Variants in ASAP2 observed in about 807,000 individuals in gnomAD.
ASAP2 encodes arf-GAP with SH3 domain, ANK repeat and PH domain-containing protein 2.
A neutral mutation model predicts 131.4 loss-of-function variants in ASAP2; 45 were observed. The observed-to-expected ratio is 0.34, with a 90% CI of 0.27 to 0.44. The LOEUF (loss-of-function observed/expected upper bound fraction) is 0.44, where lower values mean the gene tolerates loss of function less well. ASAP2 is among the 20% of genes least tolerant of loss of function. ASAP2 has a pLI of 1.00. For missense variants in ASAP2, 1,011 were observed against 1,297.0 expected (o/e 0.78, Z 3.39); for synonymous variants, 510 against 503.0 (o/e 1.01, Z -0.19).
At chr2:9,272,830 T>C (rs1666493402) in intron 1 of ASAP2, among the ~76,000 whole-genome samples, 1 of 152,210 alleles carries the variant, frequency 6.6e-6, no homozygotes, top group Non-Finnish European at 1.5e-5. Flanking sequence ...CAGTGTATGT[T>C]CTTGGCACAT....
In ASAP2 at chr2:9,300,108, C is replaced by T. The variant is rs13425491; in HGVS notation, c.345+2663C>T. Among the ~76,000 whole-genome samples, 838 of 152,316 alleles carry T rather than the reference C, an allele frequency of 5.5e-3. 8 individuals carry two copies. The highest frequency in any genetic ancestry group is 0.015 in the African/African-American group (618 of 41,564). ...CTTAGCCAGGCGTGGTGGCTCACGG[C>T]TGTAGTCCCTGCTACTCGGGAGGCT... On this transcript the variant is annotated intron_variant, in intron 3 of 27. Coordinates refer to ENST00000281419, the MANE Select transcript of ASAP2 (RefSeq NM_003887.3).
chr2:9,280,042 G>A (rs985935521), intron 2 of ASAP2, among the ~76,000 whole-genome samples: 3 of 152,174 alleles, frequency 2.0e-5, no homozygotes, highest in Admixed American at 1.3e-4. Flanking sequence ...ACAAAAAGGT[G>A]GCATCCTTGC....
intron 24 of ASAP2, among the ~76,000 whole-genome samples, chr2:9,398,305 T>A (rs1676347443): frequency 6.8e-6 from 1 of 147,448 alleles, no homozygotes; most frequent in Admixed American, 6.8e-5. Flanking sequence ...AGACTAGGAG[T>A]TCGAGACCAG....
intron 1 of ASAP2, among the ~76,000 whole-genome samples, chr2:9,221,834 G>A (rs1044079042): frequency 5.9e-5 from 9 of 151,914 alleles, no homozygotes; most frequent in East Asian, 3.9e-4. Flanking sequence ...TCGCTCTGTC[G>A]CCCAGGCTGG....
At chr2:9,296,062 T>C (rs182970165) in intron 2 of ASAP2, among the ~76,000 whole-genome samples, 3 of 152,318 alleles carry the variant, frequency 2.0e-5, no homozygotes, top group Admixed American at 1.3e-4. Context: ...TTTCAGGATC[T>C]GTCCCTTGGT....
At chr2:9,380,713 G>A (rs753261711) in intron 19 of ASAP2, 28 bp from the exon 20 acceptor site, 39 of 1,612,846 alleles carry the variant, frequency 2.4e-5, no homozygotes, top group Middle Eastern at 1.7e-4. Context: ...TTGCCTTAAC[G>A]CCTCCTTTGC....
intron 20 of ASAP2, 103 bp downstream of exon 20, chr2:9,380,911 A>T: frequency 8.1e-7 from 1 of 1,229,832 alleles, no homozygotes; most frequent in Non-Finnish European, 1.1e-6. Context: ...TGTCCTGAGC[A>T]GAGCTCAGTG....
At chr2:9,223,550 A>G (rs1237520337) in intron 1 of ASAP2, among the ~76,000 whole-genome samples, 1 of 152,162 alleles carries the variant, frequency 6.6e-6, no homozygotes, top group South Asian at 2.1e-4. Context: ...GAAATTTGTT[A>G]ATTTTTTTTT....
At chr2:9,286,390 C>A (rs1011862545) in intron 2 of ASAP2, among the ~76,000 whole-genome samples, 8 of 149,398 alleles carry the variant, frequency 5.4e-5, no homozygotes, top group African/African-American at 2.0e-4. Flanking sequence ...AGAGTGAGAC[C>A]CTGTCTCCAA....
intron 17 of ASAP2, 88 bp from the exon 18 acceptor site, chr2:9,376,820 G>T: frequency 2.5e-6 from 3 of 1,182,500 alleles, no homozygotes; most frequent in Non-Finnish European, 3.7e-6. Flanking sequence ...AAAGACTTTT[G>T]GAAGAGTTGT....
At chr2:9,387,673 A>G (rs1343863058) in intron 21 of ASAP2, among the ~76,000 whole-genome samples, 1 of 152,214 alleles carries the variant, frequency 6.6e-6, no homozygotes, top group African/African-American at 2.4e-5. Context: ...TAAGATAAAT[A>G]GCTTATATTT....
chr2:9,293,181 G>T (rs1403747327), intron 2 of ASAP2, among the ~76,000 whole-genome samples: 3 of 152,146 alleles, frequency 2.0e-5, no homozygotes, highest in Non-Finnish European at 4.4e-5. Flanking sequence ...CATGCATGCT[G>T]GCTTCATGAT....
At chr2:9,277,624 C>A (rs1007862636) in intron 1 of ASAP2, among the ~76,000 whole-genome samples, 1 of 152,148 alleles carries the variant, frequency 6.6e-6, no homozygotes, top group Non-Finnish European at 1.5e-5. Context: ...AATACCCGTT[C>A]CCCTTGACAT....
At chr2:9,260,323 TG>T (rs1665488840) in intron 1 of ASAP2, among the ~76,000 whole-genome samples, 1 of 152,188 alleles carries the variant, frequency 6.6e-6, no homozygotes. Context: ...AATCTGCTGC[TG>T]GGGGCGGGAA....
In ASAP2 at chr2:9,247,164, A is replaced by G. The variant is rs145104334; in HGVS notation, c.127-32153A>G. Among the ~76,000 whole-genome samples the G allele has an allele frequency of 3.9e-3, 598 of 152,264 alleles. 9 individuals are homozygous for G. The highest frequency in any genetic ancestry group is 0.024 in the Admixed American group (370 of 15,298). ...CCAGTAATATTTTTAATTGAGGAGA[A>G]AGGTCTTCTTCCTGACAGCAGTCTG... On this transcript the variant is annotated intron_variant, in intron 1 of 27. Transcript: ENST00000281419.
chr2:9,360,111 C>T (rs1197196784), intron 15 of ASAP2, among the ~76,000 whole-genome samples: 1 of 152,312 alleles, frequency 6.6e-6, no homozygotes, highest in African/African-American at 2.4e-5. Context: ...CAAAGAAGCA[C>T]AAAGTACTTT....
At position 9,391,125 on chromosome 2, in the gene ASAP2, G is replaced by A. The variant is rs1558396915; in HGVS notation, c.2447G>A (p.Ser816Asn). 1.2e-6 allele frequency: 2 copies of A among 1,614,198 alleles called. No homozygotes were observed. Among genetic ancestry groups the A allele is most frequent in the Non-Finnish European group, 1.7e-6 (2 of 1,180,006 alleles). Residue 816 changes from serine (S) to asparagine (N), a missense_variant, in exon 23 of 28, where the codon AGC becomes AAC. Ser to Asn is a conservative substitution (Grantham distance 46). Transcript: ENST00000281419. ...AACTCTGTAAGTGTGGACGGTGGAA[G>A]CCGGCAGCGATCTTCGTCAGATCCG... ...KTNSVSVDGG[S>N]RQRSSSDPPA...
intron 27 of ASAP2, among the ~76,000 whole-genome samples, chr2:9,402,894 A>G (rs1371872680): frequency 2.6e-5 from 4 of 152,310 alleles, no homozygotes; most frequent in Middle Eastern, 3.4e-3. Context: ...GCAGCTCACA[A>G]ACTTGTGACA....
chr2:9,256,385 A>T (rs1995924), intron 1 of ASAP2, among the ~76,000 whole-genome samples: 1 of 152,066 alleles, frequency 6.6e-6, no homozygotes, highest in African/African-American at 2.4e-5. Flanking sequence ...TGTCAACTGT[A>T]CATAAAGAAA....
Sources: allele counts gnomAD v4.1 joint callset (sites outside exome capture counted in the v4.1 genomes callset), GRCh38; gene constraint gnomAD v4.1.1; transcripts MANE v1.5; gene names NCBI Gene and HGNC (gene_info 2026-07-23, HGNC 2026-07-21).